The following PRDM11 variants were observed in gnomAD, a reference collection of about 807,000 sequenced individuals.
PRDM11 encodes the protein PR/SET domain 11.
A neutral mutation model predicts 97.8 loss-of-function variants in PRDM11; 20 were observed. That is an observed-to-expected ratio of 0.20 (90% CI 0.14 to 0.30). The LOEUF (loss-of-function observed/expected upper bound fraction) is 0.30. Among genes scored for constraint, PRDM11 ranks in the 10% least tolerant of loss-of-function variants. PRDM11 has a pLI of 1.00. For synonymous variants in PRDM11, 599 were observed against 637.7 expected (o/e 0.94, Z 0.91); for missense variants, 1,139 against 1,555.2 (o/e 0.73, Z 4.50).
In PRDM11 at chr11:45,149,682, T is replaced by C. The variant is rs559557279; in HGVS notation, c.-7+2805T>C. Reference sequence around the variant, plus strand: ...GAGACCCTCCACAGTGCACTTTCCCTGTGGCATGGCAACTGGTAGTAAGGC... The same window carrying C: ...GAGACCCTCCACAGTGCACTTTCCCCGTGGCATGGCAACTGGTAGTAAGGC... On this transcript the variant is annotated intron_variant, in intron 1 of 7. Transcript: ENST00000683152. 3.3e-5 allele frequency among the ~76,000 whole-genome samples: 5 copies of C among 152,380 alleles called. No individual in the cohort carries two copies. The South Asian group carries it at 1.0e-3, about 32-fold the overall frequency.
At chr11:45,157,121 C>T (rs1377757037) in intron 1 of PRDM11, among the ~76,000 whole-genome samples, 3 of 152,048 alleles carry the variant, frequency 2.0e-5, no homozygotes, top group Admixed American at 2.0e-4. Flanking sequence ...GAAACTCTGT[C>T]CAGGTGGCAG....
intron 1 of PRDM11, among the ~76,000 whole-genome samples, chr11:45,097,599 T>C (rs916229015): frequency 2.6e-5 from 4 of 152,236 alleles, no homozygotes; most frequent in East Asian, 3.8e-4. Flanking sequence ...TGAACTCTAC[T>C]GCACACATAG....
At chr11:45,213,057 C>T (rs1479389110) in intron 5 of PRDM11, 1 of 446,986 alleles carries the variant, frequency 2.2e-6, no homozygotes, top group South Asian at 1.6e-5. Flanking sequence ...AGCTAGTCTG[C>T]ACTAGGAGGA....
In PRDM11 at chr11:45,138,181, CA is replaced by C. The variant is rs558212434; in HGVS notation, c.96+42281del. On this transcript the variant is annotated intron_variant, in intron 1 of 6. Transcript: ENST00000530656. ...ACTGCCTGAAAGGGAGCCCAATGAA[CA>C]GGGGGGAAAAACTTGAAGAAGCAGG... is the stretch of plus-strand genomic sequence containing the variant. Among the ~76,000 whole-genome samples, 116 of 152,042 alleles carry C rather than the reference CA, an allele frequency of 7.6e-4. 1 individual carries two copies. The highest frequency in any genetic ancestry group is 2.5e-3 in the African/African-American group (104 of 41,454).
In PRDM11 at chr11:45,101,567, A is replaced by AAAAAAAGAAGAAGAAG. The variant is rs767802218; in HGVS notation, c.96+5668_96+5669insAAAAGAAGAAGAAGAA. 1.3e-4 allele frequency among the ~76,000 whole-genome samples: 13 copies of AAAAAAAGAAGAAGAAG among 96,860 alleles called. 1 individual carries two copies. The highest frequency in any genetic ancestry group is 2.1e-4 in the Admixed American group (2 of 9,426). 63.5% of individuals were successfully genotyped at this position (96,860 alleles called of 152,430 possible). On this transcript the variant is annotated intron_variant, in intron 1 of 6. Transcript: ENST00000530656. Reference sequence around the variant, plus strand: ...CAACACTCTGTCTCAAAAAAAAAAAAAAGAAGAAGAAGAAGAAGAAGAAGA... The same window carrying AAAAAAAGAAGAAGAAG: ...CAACACTCTGTCTCAAAAAAAAAAAAAAAAAAGAAGAAGAAGAAGAAGAAGAAGAAGAAGAAGAAGA...
Position 45,227,553 on chromosome 11 carries a change from C to T in PRDM11, c.2928C>T (p.Asp976=), listed in dbSNP as rs1277644279. The T allele has an allele frequency of 2.0e-6, 3 of 1,533,940 alleles. No homozygotes were observed. The highest frequency in any genetic ancestry group is 2.4e-5 in the East Asian group (1 of 40,906). The change falls in exon 8 of 8, where the codon GAC becomes GAT. Residue 976 remains aspartate (D), a synonymous_variant. Coordinates refer to ENST00000683152, the MANE Select transcript of PRDM11 (RefSeq NM_001384648.1). The surrounding 1 kb of genome is among the most constrained non-coding windows in gnomAD (Gnocchi z 8.0). ...AGGTCATCCTGGCTCAGAGGTTCGA[C>T]TCCCGCAGCCGGATCTTTGTGAAGG... ...KTQVILAQRF[D]SRSRIFVKAC...
chr11:45,153,493 G>A (rs1345256769), intron 1 of PRDM11, among the ~76,000 whole-genome samples: 3 of 152,222 alleles, frequency 2.0e-5, no homozygotes, highest in Non-Finnish European at 2.9e-5. Context: ...ATGGCTTAGG[G>A]CCAGTCTTGG....
intron 5 of PRDM11, chr11:45,215,969 G>A (rs73466442): frequency 0.18 from 26,803 of 152,606 alleles, 2,991 homozygotes; most frequent in African/African-American, 0.31. Flanking sequence ...TTTTCTTTGC[G>A]TTAGAAACAA....
intron 1 of PRDM11, among the ~76,000 whole-genome samples, chr11:45,161,740 A>G (rs1024710427): frequency 5.9e-5 from 9 of 152,224 alleles, no homozygotes; most frequent in Non-Finnish European, 1.2e-4. Context: ...AGTGCTGGAA[A>G]GCATGGTCTG....
At chr11:45,155,197 G>C (rs1851762498) in intron 1 of PRDM11, among the ~76,000 whole-genome samples, 1 of 152,236 alleles carries the variant, frequency 6.6e-6, no homozygotes, top group African/African-American at 2.4e-5. Flanking sequence ...AGCTTTCCCG[G>C]AGTGGCTTCT....
rs142839990 is a variant in PRDM11 at position 45,198,011 on chromosome 11, A to G, written c.487-6700A>G. Among the ~76,000 whole-genome samples the G allele has an allele frequency of 4.0e-3, 602 of 152,334 alleles. 5 individuals are homozygous for G. The highest frequency in any genetic ancestry group is 6.9e-3 in the Non-Finnish European group (470 of 68,030). On this transcript the variant is annotated intron_variant, in intron 4 of 7. Coordinates refer to ENST00000683152, the MANE Select transcript of PRDM11 (RefSeq NM_001384648.1). ...GTTGTGCACATGTACCCTAGAACTT[A>G]AAGTATAATAATAATAATAAAAGGA...
Position 45,227,052 on chromosome 11 carries a change from G to A in PRDM11, c.2427G>A (p.Ala809=), listed in dbSNP as rs1040458363. 24 of 1,533,796 alleles carry A rather than the reference G, an allele frequency of 1.6e-5. No homozygotes were observed. The highest frequency in any genetic ancestry group is 2.3e-4 in the Middle Eastern group (1 of 4,380). The change falls in exon 8 of 8, where the codon GCG becomes GCA. Residue 809 remains alanine, a synonymous_variant. Coordinates refer to ENST00000683152, the MANE Select transcript of PRDM11 (RefSeq NM_001384648.1). The surrounding 1 kb of genome is among the most constrained non-coding windows in gnomAD (Gnocchi z 8.0). ...TCATGTGCGAGCTGCGGTCCACGGCGGCCACCCTTTGTGAGGAGACAGAGT... is the reference window on the plus strand; with the variant it reads ...TCATGTGCGAGCTGCGGTCCACGGCAGCCACCCTTTGTGAGGAGACAGAGT... ...PRLMCELRST[A]ATLCEETEFL... is the part of the protein sequence containing the mutation.
At chr11:45,155,031 G>A (rs955810158) in intron 1 of PRDM11, among the ~76,000 whole-genome samples, 4 of 152,212 alleles carry the variant, frequency 2.6e-5, no homozygotes, top group Admixed American at 2.0e-4. Flanking sequence ...GGTAGAAAGG[G>A]GGGTAGTGGC....
At chr11:45,097,016 C>T (rs1210284940) in intron 1 of PRDM11, among the ~76,000 whole-genome samples, 1 of 152,222 alleles carries the variant, frequency 6.6e-6, no homozygotes, top group Non-Finnish European at 1.5e-5. Context: ...GGCTACCAAC[C>T]TGGAAATGTG....
chr11:45,103,615 G>C (rs1852015779), intron 1 of PRDM11, among the ~76,000 whole-genome samples: 1 of 151,782 alleles, frequency 6.6e-6, no homozygotes, highest in Non-Finnish European at 1.5e-5. Flanking sequence ...GGGCCTTTGA[G>C]GGTGTCAGAA....
intron 5 of PRDM11, chr11:45,213,430 C>T (rs1417544416): frequency 1.6e-5 from 7 of 447,910 alleles, no homozygotes; most frequent in Admixed American, 9.5e-5. Flanking sequence ...TGTGACCTCC[C>T]AGGCCCTGAT....
At chr11:45,225,596 T>C (rs1236675943) in intron 7 of PRDM11, among the ~76,000 whole-genome samples, 1 of 152,234 alleles carries the variant, frequency 6.6e-6, no homozygotes, top group Non-Finnish European at 1.5e-5. Context: ...TTCACATTAA[T>C]GAAGGGCAAA....
At chr11:45,134,721 A>AAAAAAAAAAAAAAAAAAAAT (rs1852799338) in intron 1 of PRDM11, among the ~76,000 whole-genome samples, 1 of 147,290 alleles carries the variant, frequency 6.8e-6, no homozygotes, top group Non-Finnish European at 1.5e-5. Context: ...AAAAAAAAAA[A>AAAAAAAAAAAAAAAAAAAAT]AAAAAGAATA....
chr11:45,192,764 A>C (rs1172296542), intron 4 of PRDM11, among the ~76,000 whole-genome samples: 2 of 152,226 alleles, frequency 1.3e-5, no homozygotes, highest in Non-Finnish European at 2.9e-5. Flanking sequence ...AGGTATAAAC[A>C]TATAGCTTGG....
Sources: allele counts gnomAD v4.1 joint callset (sites outside exome capture counted in the v4.1 genomes callset), GRCh38; gene constraint gnomAD v4.1.1; non-coding constraint Gnocchi (gnomAD v3.1); transcripts MANE v1.5; gene names NCBI Gene and HGNC (gene_info 2026-07-23, HGNC 2026-07-21).